FAM221A: variants seen among roughly 807,000 people sequenced by gnomAD.
FAM221A encodes protein FAM221A.
FAM221A carries 43 observed loss-of-function variants against 37.6 expected under a neutral mutation model. The ratio of observed to expected loss-of-function variants is 1.15; its 90% CI spans 0.90 to 1.48. The LOEUF is 1.48. Among genes scored for constraint, FAM221A ranks in the 40% most tolerant of loss-of-function variants. The pLI, the probability that FAM221A is intolerant of heterozygous loss-of-function variation, is 0.00. For missense variants in FAM221A, 361 were observed against 361.5 expected, an observed-to-expected ratio of 1.00 and a Z score of 0.01; for synonymous variants, 135 against 132.9, an observed-to-expected ratio of 1.02 and a Z score of -0.11.
chr7:23,701,529 G>A (rs1267552691), intron 6 of FAM221A, among the ~76,000 whole-genome samples: 1 of 152,052 alleles, frequency 6.6e-6, no homozygotes, highest in Admixed American at 6.6e-5. Flanking sequence ...ATGAGCCACC[G>A]CGCCTGGTGC....
intron 1 of FAM221A, 33 bp downstream of exon 1, chr7:23,680,316 C>G (rs376208833): frequency 1.3e-6 from 2 of 1,497,110 alleles, no homozygotes; most frequent in South Asian, 2.5e-5. Context: ...GCCCCCCCGC[C>G]GCTCCGAGGG....
intron 5 of FAM221A, 67 bp from the exon 6 acceptor site, chr7:23,700,715 TTTTC>T: frequency 9.7e-7 from 1 of 1,026,122 alleles, no homozygotes; most frequent in Non-Finnish European, 1.4e-6. Flanking sequence ...AGGAGAAAAC[TTTTC>T]TTTCTTTTAT....
intron 4 of FAM221A, chr7:23,694,823 A>G (rs1442886872): frequency 6.6e-6 from 1 of 152,118 alleles, no homozygotes; most frequent in Non-Finnish European, 1.5e-5. Context: ...TAAATTAGTT[A>G]ATATTTATGA....
chr7:23,698,083 A>G, intron 4 of FAM221A, 109 bp from the exon 5 acceptor site: 1 of 676,868 alleles, frequency 1.5e-6, no homozygotes, highest in South Asian at 1.9e-5. Flanking sequence ...TTATAGAAAG[A>G]ATTTCTAATA....
At chr7:23,680,606 C>G (rs1783972354) in intron 1 of FAM221A, 3 of 334,230 alleles carry the variant, frequency 9.0e-6, no homozygotes, top group Non-Finnish European at 1.6e-5. Flanking sequence ...ACATCGAGTA[C>G]TCGGGGCTAT....
At chr7:23,699,577 C>T (rs1402141454) in intron 5 of FAM221A, among the ~76,000 whole-genome samples, 1 of 97,366 alleles carries the variant, frequency 1.0e-5, no homozygotes, top group Admixed American at 1.6e-4. Flanking sequence ...GAGTCTTGAT[C>T]TGTTACCCAG....
chr7:23,685,210 T>C lies in FAM221A; in HGVS notation c.239+538T>C, dbSNP rs376758878. 1.1e-4 allele frequency among the ~76,000 whole-genome samples: 17 copies of C among 152,220 alleles called. No homozygotes were observed. The East Asian group carries it at 3.1e-3, about 28-fold the overall frequency. On this transcript the variant is annotated intron_variant, in intron 2 of 6. Coordinates refer to ENST00000344962, the MANE Select transcript of FAM221A (RefSeq NM_199136.5). Reference sequence around the variant, plus strand: ...TTGCAGTGAGCTGAGATCACGCCACTGCACACCAGCCTGAGTGGCAGTGTG... The same window carrying C: ...TTGCAGTGAGCTGAGATCACGCCACCGCACACCAGCCTGAGTGGCAGTGTG...
intron 1 of FAM221A, 107 bp from the exon 2 acceptor site, chr7:23,684,392 A>AACAGGC: frequency 9.1e-6 from 8 of 883,086 alleles, no homozygotes; most frequent in Non-Finnish European, 1.3e-5. Context: ...AGACAGATTT[A>AACAGGC]CAAAATAAAA....
intron 4 of FAM221A, chr7:23,694,534 A>T (rs1398979604): frequency 6.6e-6 from 1 of 152,240 alleles, no homozygotes; most frequent in Non-Finnish European, 1.5e-5. Context: ...AATGATGATG[A>T]TGATCATGTT....
In FAM221A at chr7:23,698,249, TA is replaced by T; in HGVS notation, c.699del (p.Ala234HisfsTer13). On this transcript the variant is annotated frameshift_variant, in exon 5 of 7. Coordinates refer to ENST00000344962, the MANE Select transcript of FAM221A (RefSeq NM_199136.5). LOFTEE classifies it high-confidence loss of function. ...ATTACGGCAGTAGACAGCCCATTCC[TA>T]AAAGCATTTCAAGCATCATCTAGTT... The part of the protein sequence containing the change: ...SPITAVDSPF[L>X]KAFQASSSSS... 1.3e-6 allele frequency: 2 copies of T among 1,598,922 alleles called. No individual in the cohort carries two copies. The highest frequency in any genetic ancestry group is 1.7e-6 in the Non-Finnish European group (2 of 1,172,792).
chr7:23,684,695 T>A, intron 2 of FAM221A, 23 bp downstream of exon 2: 6 of 1,564,174 alleles, frequency 3.8e-6, no homozygotes, highest in Non-Finnish European at 5.2e-6. Context: ...ATTGCAAAGT[T>A]TTTTGATAAT....
At position 23,689,408 on chromosome 7, in the gene FAM221A, A is replaced by G. The variant is rs1238875847; in HGVS notation, c.379A>G (p.Lys127Glu). Residue 127 changes from lysine (K) to glutamate (E), a missense_variant, in exon 3 of 7, where the codon AAA becomes GAA. By Grantham distance (56) the Lys-to-Glu change is moderately conservative (BLOSUM62 1). Coordinates refer to ENST00000344962, the MANE Select transcript of FAM221A (RefSeq NM_199136.5). ...NGSQPIRCRC[K>E]HFADQHSAAP... ...TAGCCAGCCCATTCGCTGCAGGTGCAAACACTTTGCTGATCAGCACAGTGC... is the reference window on the plus strand; with the variant it reads ...TAGCCAGCCCATTCGCTGCAGGTGCGAACACTTTGCTGATCAGCACAGTGC... 6.2e-7 allele frequency: 1 copy of G among 1,606,254 alleles called. No homozygotes were observed. Among genetic ancestry groups the G allele is most frequent in the Non-Finnish European group, 8.5e-7 (1 of 1,174,086 alleles).
intron 4 of FAM221A, among the ~76,000 whole-genome samples, chr7:23,696,803 C>G (rs756083251): frequency 9.2e-5 from 14 of 152,126 alleles, no homozygotes; most frequent in Non-Finnish European, 1.6e-4. Flanking sequence ...AACCTAGGGA[C>G]AGAGGGACTC....
intron 4 of FAM221A, chr7:23,692,847 G>T (rs369430451): frequency 4.5e-6 from 3 of 671,350 alleles, no homozygotes; most frequent in East Asian, 1.3e-4. Context: ...TGTATTTATT[G>T]TTTAAGAGAT....
At chr7:23,690,199 A>ATATATATATATTTT (rs774313037) in intron 3 of FAM221A, among the ~76,000 whole-genome samples, 18 of 48,734 alleles carry the variant, frequency 3.7e-4, no homozygotes, top group South Asian at 3.6e-3. Flanking sequence ...ATATATATAT[A>ATATATATATATTTT]TTTTTTTTTT....
In FAM221A at chr7:23,680,200, T is replaced by A; in HGVS notation, c.-19T>A. 2 of 1,542,846 alleles carry A rather than the reference T, an allele frequency of 1.3e-6. No individual in the cohort carries two copies. Among genetic ancestry groups the A allele is most frequent in the Non-Finnish European group, 1.8e-6 (2 of 1,140,296 alleles). On this transcript the variant is annotated 5_prime_UTR_variant, in exon 1 of 7. Coordinates refer to ENST00000344962, the MANE Select transcript of FAM221A (RefSeq NM_199136.5). ...AGGTCAGCTGGTCCGCAGGGAAGCCTTTGGCTTCCCCACCGGCAATGGAGC... is the reference window on the plus strand; with the variant it reads ...AGGTCAGCTGGTCCGCAGGGAAGCCATTGGCTTCCCCACCGGCAATGGAGC...
At chr7:23,681,404 A>AT (rs1784030947) in intron 1 of FAM221A, among the ~76,000 whole-genome samples, 1 of 152,098 alleles carries the variant, frequency 6.6e-6, no homozygotes, top group Non-Finnish European at 1.5e-5. Flanking sequence ...GTAGTTATTT[A>AT]TTTTATTGAG....
At chr7:23,691,867 C>G (rs984077446) in intron 4 of FAM221A, among the ~76,000 whole-genome samples, 3 of 152,112 alleles carry the variant, frequency 2.0e-5, no homozygotes, top group African/African-American at 7.2e-5. Context: ...GAGATCATTT[C>G]CATCCCAATA....
intron 2 of FAM221A, chr7:23,688,534 AAC>A (rs1784502560): frequency 6.6e-6 from 1 of 152,190 alleles, no homozygotes; most frequent in Non-Finnish European, 1.5e-5. Context: ...AAATTACATC[AAC>A]ACATGTTTAT....
Sources: allele counts gnomAD v4.1 joint callset (sites outside exome capture counted in the v4.1 genomes callset), GRCh38; gene constraint gnomAD v4.1.1; transcripts MANE v1.5; gene names NCBI Gene and HGNC (gene_info 2026-07-23, HGNC 2026-07-21).